CNTNAP2: variants seen among roughly 807,000 people sequenced by gnomAD.
CNTNAP2 encodes contactin-associated protein-like 2.
A neutral mutation model predicts 155.2 loss-of-function variants in CNTNAP2; 98 were observed. The observed-to-expected ratio is 0.63, with a 90% CI of 0.54 to 0.75. The LOEUF (loss-of-function observed/expected upper bound fraction) is 0.75, where lower values mean the gene tolerates loss of function less well. CNTNAP2 is among the 30% of genes least tolerant of loss of function. CNTNAP2 has a pLI of 0.00. For synonymous variants in CNTNAP2, 651 were observed against 631.2 expected, an observed-to-expected ratio of 1.03 and a Z score of -0.47; for missense variants, 1,727 against 1,688.1, an observed-to-expected ratio of 1.02 and a Z score of -0.40.
chr7:147,258,648 C>T (rs575705165), intron 8 of CNTNAP2, among the ~76,000 whole-genome samples: 30 of 152,174 alleles, frequency 2.0e-4, no homozygotes, highest in Middle Eastern at 3.4e-3. Flanking sequence ...GAAAAAGAGT[C>T]GAAGATCAGG....
intron 8 of CNTNAP2, among the ~76,000 whole-genome samples, chr7:147,175,474 G>C (rs932668512): frequency 2.0e-5 from 3 of 152,044 alleles, no homozygotes; most frequent in South Asian, 2.1e-4. Context: ...TACATTTCTT[G>C]TTAGGCATAA....
intron 21 of CNTNAP2, among the ~76,000 whole-genome samples, chr7:148,364,898 T>C (rs1368452545): frequency 6.6e-6 from 1 of 152,206 alleles, no homozygotes; most frequent in Non-Finnish European, 1.5e-5. Context: ...TCCACGCTGC[T>C]TTTATGAGCT....
chr7:147,647,446 A>G (rs1385557326), intron 13 of CNTNAP2, among the ~76,000 whole-genome samples: 2 of 152,176 alleles, frequency 1.3e-5, no homozygotes, highest in Non-Finnish European at 2.9e-5. Flanking sequence ...TGGTACTACA[A>G]TTATTTGCTT....
chr7:147,514,904 C>A (rs1799091732), intron 11 of CNTNAP2, among the ~76,000 whole-genome samples: 1 of 152,168 alleles, frequency 6.6e-6, no homozygotes, highest in Admixed American at 6.5e-5. Flanking sequence ...TTCACCCAGG[C>A]CCTATTCACT....
Position 147,978,001 on chromosome 7 carries a change from T to C in CNTNAP2, c.2383+12T>C, listed in dbSNP as rs1801460196. On this transcript the variant is annotated intron_variant, in intron 15 of 23. Coordinates refer to ENST00000361727, the MANE Select transcript of CNTNAP2 (RefSeq NM_014141.6). ...CTGCCAAGGAGACAGTAAGTTTGCA[T>C]AGCAGCTATGGCTTGCACTTTCTTA... The C allele has an allele frequency of 6.2e-7, 1 of 1,613,800 alleles. No individual in the cohort carries two copies. The highest frequency in any genetic ancestry group is 1.1e-5 in the South Asian group (1 of 91,062).
chr7:146,253,205 C>T (rs1799783910), intron 1 of CNTNAP2, among the ~76,000 whole-genome samples: 1 of 152,134 alleles, frequency 6.6e-6, no homozygotes, highest in Non-Finnish European at 1.5e-5. Context: ...CCTCACTATA[C>T]TCTACTATTT....
intron 13 of CNTNAP2, among the ~76,000 whole-genome samples, chr7:147,705,164 A>G (rs1040418797): frequency 1.5e-3 from 32 of 21,070 alleles, no homozygotes; most frequent in African/African-American, 8.7e-3. Context: ...GTTTATTGAA[A>G]TCTTTCTACT....
chr7:147,474,857 G>A (rs1798287449), intron 10 of CNTNAP2, among the ~76,000 whole-genome samples: 1 of 152,164 alleles, frequency 6.6e-6, no homozygotes. Context: ...TGAGGGCAGG[G>A]AGGGGAAAGC....
chr7:147,731,544 A>G (rs1796739287), intron 13 of CNTNAP2, among the ~76,000 whole-genome samples: 2 of 152,120 alleles, frequency 1.3e-5, no homozygotes, highest in African/African-American at 4.8e-5. Context: ...CTTGCACCTC[A>G]TCACCCAAGA....
chr7:147,038,862 G>T (rs1799208679), intron 3 of CNTNAP2, among the ~76,000 whole-genome samples: 1 of 152,120 alleles, frequency 6.6e-6, no homozygotes, highest in Admixed American at 6.5e-5. Flanking sequence ...TAACTTTCTT[G>T]CTTAAAACTC....
chr7:147,753,332 A>C (rs2116506878), intron 13 of CNTNAP2, among the ~76,000 whole-genome samples: 1 of 152,294 alleles, frequency 6.6e-6, no homozygotes, highest in East Asian at 1.9e-4. Flanking sequence ...CAGCTGAATT[A>C]GTTTGTGTGA....
intron 8 of CNTNAP2, among the ~76,000 whole-genome samples, chr7:147,293,374 A>G (rs1805354487): frequency 6.6e-6 from 1 of 152,204 alleles, no homozygotes; most frequent in Non-Finnish European, 1.5e-5. Flanking sequence ...TTTTCTTATG[A>G]TATGGAATTT....
intron 3 of CNTNAP2, among the ~76,000 whole-genome samples, chr7:146,948,494 A>T (rs1347049605): frequency 6.6e-6 from 1 of 152,112 alleles, no homozygotes; most frequent in South Asian, 2.1e-4. Context: ...TTATAAATTA[A>T]TGTTAGTCTG....
At chr7:147,136,627 G>A (rs1801485972) in intron 8 of CNTNAP2, among the ~76,000 whole-genome samples, 1 of 151,856 alleles carries the variant, frequency 6.6e-6, no homozygotes, top group Non-Finnish European at 1.5e-5. Context: ...AACACTCCAG[G>A]CAGTGTCTAT....
At chr7:146,796,847 A>G (rs1802779264) in intron 2 of CNTNAP2, among the ~76,000 whole-genome samples, 1 of 152,088 alleles carries the variant, frequency 6.6e-6, no homozygotes, top group Non-Finnish European at 1.5e-5. Flanking sequence ...CATTAAGAAA[A>G]CATTCTTGGC....
At chr7:147,170,028 G>C (rs374170575) in intron 8 of CNTNAP2, among the ~76,000 whole-genome samples, 2 of 151,976 alleles carry the variant, frequency 1.3e-5, no homozygotes, top group East Asian at 3.9e-4. Flanking sequence ...CTGGCTTCTT[G>C]AATTTCCAGA....
Position 147,772,281 on chromosome 7 carries a change from T to C in CNTNAP2, c.2099-131284T>C, listed in dbSNP as rs369881121. 6.6e-5 allele frequency among the ~76,000 whole-genome samples: 10 copies of C among 150,538 alleles called. No individual in the cohort carries two copies. In the South Asian group the frequency reaches 8.4e-4, roughly 13 times the overall value. Reference sequence around the variant, plus strand: ...TCTACTAAAAATACAAAAACCAGCCTGGCATGGCGCCTGTAATCCCAGCTA... The same window carrying C: ...TCTACTAAAAATACAAAAACCAGCCCGGCATGGCGCCTGTAATCCCAGCTA... On this transcript the variant is annotated intron_variant, in intron 13 of 23. Transcript: ENST00000361727.
intron 5 of CNTNAP2, among the ~76,000 whole-genome samples, chr7:147,110,213 C>T (rs1315643745): frequency 6.6e-6 from 1 of 152,182 alleles, no homozygotes; most frequent in African/African-American, 2.4e-5. Context: ...GCCACCGTGC[C>T]TGGCCCTGTT....
chr7:147,295,263 G>A (rs377551984), intron 8 of CNTNAP2, among the ~76,000 whole-genome samples: 7 of 151,964 alleles, frequency 4.6e-5, no homozygotes, highest in South Asian at 2.1e-4. Context: ...ATGTGTGTGT[G>A]TGCATGCGTG....
Sources: gnomAD v4.1 joint callset for allele counts (sites outside exome capture counted in the v4.1 genomes callset) on GRCh38, gnomAD v4.1.1 for gene constraint, MANE v1.5 for transcripts, NCBI Gene and HGNC (gene_info 2026-07-23, HGNC 2026-07-21) for gene names.